The following NECTIN3 variants were observed in gnomAD, a reference collection of about 807,000 sequenced individuals.
The protein encoded by NECTIN3 is nectin cell adhesion molecule 3, also known as nectin-3.
NECTIN3 carries 8 observed loss-of-function variants against 49.4 expected under a neutral mutation model. The observed-to-expected ratio is 0.16, with a 90% CI of 0.10 to 0.29. The LOEUF (loss-of-function observed/expected upper bound fraction) is 0.29, where lower values mean the gene tolerates loss of function less well. Ranked by LOEUF, NECTIN3 falls within the 10% of genes least tolerant of loss-of-function variation. The pLI, the probability that NECTIN3 is intolerant of heterozygous loss-of-function variation, is 1.00. For synonymous variants in NECTIN3, 277 were observed against 241.1 expected (o/e 1.15, Z -1.38); for missense variants, 581 against 654.6 (o/e 0.89, Z 1.23).
At chr3:111,158,733 A>C (rs984443946) in intron 7 of NECTIN3, among the ~76,000 whole-genome samples, 5 of 152,250 alleles carry the variant, frequency 3.3e-5, no homozygotes, top group East Asian at 1.9e-4. Flanking sequence ...TAAAAGCATA[A>C]AACATAAAGT....
chr3:111,180,520 C>A (rs1278675632), intron 7 of NECTIN3, among the ~76,000 whole-genome samples: 1 of 152,046 alleles, frequency 6.6e-6, no homozygotes, highest in Non-Finnish European at 1.5e-5. Context: ...CGACCTCTCT[C>A]ATAACTATTT....
chr3:111,169,191 G>A (rs889355079), intron 7 of NECTIN3, among the ~76,000 whole-genome samples: 1 of 140,422 alleles, frequency 7.1e-6, no homozygotes, highest in Non-Finnish European at 1.5e-5. Context: ...GTGGGTTCAC[G>A]CCATTCTCCT....
At chr3:111,141,585 A>G (rs886701106), downstream of NECTIN3, among the ~76,000 whole-genome samples, 3 of 151,920 alleles carry the variant, frequency 2.0e-5, no homozygotes, top group African/African-American at 7.2e-5. Context: ...CCCATAAGAC[A>G]TGTGCATGCT....
At chr3:111,184,712 C>A (rs2035688647) in intron 7 of NECTIN3, among the ~76,000 whole-genome samples, 1 of 152,150 alleles carries the variant, frequency 6.6e-6, no homozygotes, top group African/African-American at 2.4e-5. Context: ...TAATTGAATG[C>A]TGGACACTGT....
At chr3:111,119,097 C>A in intron 3 of NECTIN3, 145 bp downstream of exon 3, 1 of 773,756 alleles carries the variant, frequency 1.3e-6, no homozygotes, top group Non-Finnish European at 2.0e-6. Flanking sequence ...TTAACCAGAA[C>A]ATTTTTAATC....
chr3:111,118,279 T>TATATATATATATATATAC (rs2033790227), intron 2 of NECTIN3, among the ~76,000 whole-genome samples: 1 of 139,538 alleles, frequency 7.2e-6, no homozygotes, highest in Non-Finnish European at 1.6e-5. Context: ...TATATATATA[T>TATATATATATATATATAC]ATATTATACA....
intron 7 of NECTIN3, among the ~76,000 whole-genome samples, chr3:111,158,441 T>G (rs191306929): frequency 2.3e-4 from 35 of 152,214 alleles, no homozygotes; most frequent in Non-Finnish European, 4.7e-4. Context: ...AGAAATGGCA[T>G]GTAAATGTAT....
At chr3:111,147,599 A>C in intron 7 of NECTIN3, 4 of 893,052 alleles carry the variant, frequency 4.5e-6, no homozygotes, top group Non-Finnish European at 5.0e-6. Context: ...AGTGTTGTTT[A>C]GTCATTATGC....
intron 5 of NECTIN3, 63 bp downstream of exon 5, chr3:111,126,398 A>G (rs939638952): frequency 3.8e-6 from 5 of 1,332,666 alleles, no homozygotes; most frequent in African/African-American, 3.0e-5. Context: ...CATAGTAACA[A>G]TATGATCCTA....
At chr3:111,077,248 A>T in intron 1 of NECTIN3, 1 of 436,892 alleles carries the variant, frequency 2.3e-6, no homozygotes, top group South Asian at 1.6e-5. Flanking sequence ...ATTCTGCTAA[A>T]TAAGTTGAGT....
intron 1 of NECTIN3, among the ~76,000 whole-genome samples, chr3:111,104,617 G>A (rs554346017): frequency 3.7e-4 from 56 of 151,834 alleles, no homozygotes; most frequent in African/African-American, 1.2e-3. Flanking sequence ...CACTGCACCC[G>A]ACCTCTTTTG....
At chr3:111,124,805 T>C (rs1453575124) in intron 4 of NECTIN3, among the ~76,000 whole-genome samples, 1 of 152,204 alleles carries the variant, frequency 6.6e-6, no homozygotes, top group African/African-American at 2.4e-5. Flanking sequence ...TGTGTAATCA[T>C]TTGTCAATCT....
At chr3:111,107,475 AGT>A (rs1295301365) in intron 1 of NECTIN3, among the ~76,000 whole-genome samples, 1 of 152,172 alleles carries the variant, frequency 6.6e-6, no homozygotes, top group East Asian at 1.9e-4. Flanking sequence ...ACGTGTCTAG[AGT>A]GTGCAGTAGC....
In NECTIN3 at chr3:111,126,291, A is replaced by G. The variant is rs1158571091; in HGVS notation, c.1025A>G (p.Asn342Ser). ...YSGVYICKVT[N>S]SLGQRSDQKV... ...GGTGTTTATATCTGTAAAGTGACCA[A>G]TTCCCTTGGTCAAAGAAGTGACCAA... Residue 342 changes from asparagine to serine, a missense_variant, in exon 5 of 6, where the codon AAT becomes AGT. Physicochemically the swap from Asn to Ser is conservative, Grantham distance 46. Coordinates refer to ENST00000485303, the MANE Select transcript of NECTIN3 (RefSeq NM_015480.3). 2 of 1,610,164 alleles carry G rather than the reference A, an allele frequency of 1.2e-6. No homozygotes were observed. The highest frequency in any genetic ancestry group is 1.7e-6 in the Non-Finnish European group (2 of 1,178,744).
upstream of NECTIN3, among the ~76,000 whole-genome samples, chr3:111,189,524 G>A (rs1387455376): frequency 6.6e-6 from 1 of 152,192 alleles, no homozygotes; most frequent in Non-Finnish European, 1.5e-5. Flanking sequence ...CCTTTACAGA[G>A]AAGCTTCTGA....
chr3:111,082,126 G>T (rs2031647146), intron 1 of NECTIN3, among the ~76,000 whole-genome samples: 1 of 152,144 alleles, frequency 6.6e-6, no homozygotes, highest in South Asian at 2.1e-4. Flanking sequence ...TATCATTGTG[G>T]GTAAGGAAGG....
intron 1 of NECTIN3, among the ~76,000 whole-genome samples, chr3:111,092,434 T>C (rs144017349): frequency 6.6e-6 from 1 of 152,328 alleles, no homozygotes; most frequent in East Asian, 1.9e-4. Flanking sequence ...TTGTACCTCT[T>C]ATATTCAGCT....
chr3:111,142,622 A>G (rs2034776078), intron 5 of NECTIN3, among the ~76,000 whole-genome samples: 1 of 151,980 alleles, frequency 6.6e-6, no homozygotes, highest in African/African-American at 2.4e-5. Flanking sequence ...AGAGATTAAA[A>G]GTCTACATTA....
At chr3:111,087,980 G>C (rs919232091) in intron 1 of NECTIN3, among the ~76,000 whole-genome samples, 1 of 152,112 alleles carries the variant, frequency 6.6e-6, no homozygotes, top group Non-Finnish European at 1.5e-5. Context: ...TTATAGGTGT[G>C]AGCCACTGTG....
Sources: gnomAD v4.1 joint callset for allele counts (sites outside exome capture counted in the v4.1 genomes callset) on GRCh38, gnomAD v4.1.1 for gene constraint, MANE v1.5 for transcripts, NCBI Gene and HGNC (gene_info 2026-07-23, HGNC 2026-07-21) for gene names.